Variants in NUGGC observed in about 807,000 individuals in gnomAD.
NUGGC encodes the protein nuclear GTPase SLIP-GC.
In NUGGC, 58 loss-of-function variants were observed where a neutral mutation model predicts 92.6. The ratio of observed to expected loss-of-function variants is 0.63; its 90% CI spans 0.51 to 0.78. The LOEUF is 0.78. NUGGC is among the 30% of genes least tolerant of loss of function. The pLI is 0.00. For missense variants in NUGGC, 925 were observed against 964.6 expected (o/e 0.96, Z 0.54); for synonymous variants, 376 against 366.4 (o/e 1.03, Z -0.30).
Position 28,033,674 on chromosome 8 carries a change from AAAACCTT to A in NUGGC, c.1628_1634del (p.Gln543LeufsTer5). The A allele has an allele frequency of 6.2e-7, 1 of 1,613,974 alleles. No homozygotes were observed. The highest frequency in any genetic ancestry group is 8.5e-7 in the Non-Finnish European group (1 of 1,179,858). The stretch of plus-strand genomic sequence containing the variant: ...GGCAAACAGCTTTCAGGGTCTGATG[AAAACCTT>A]GGTTTCCTTTACTCCTCTAGACAAT... On this transcript the variant is annotated frameshift_variant, in exon 14 of 19. Coordinates refer to ENST00000413272, the MANE Select transcript of NUGGC (RefSeq NM_001010906.2). LOFTEE classifies it high-confidence loss of function.
In NUGGC at chr8:28,067,512, A is replaced by T. The variant is rs776243495; in HGVS notation, c.711+2T>A. On this transcript the variant is annotated splice_donor_variant, in intron 6 of 18. Transcript: ENST00000413272. LOFTEE classifies it high-confidence loss of function. The stretch of plus-strand genomic sequence containing the variant: ...TCAAGGAAAAAACGAACTTGACGCT[A>T]CCTCTTCCGCCTTGAGGGTGATGAC... The T allele has an allele frequency of 6.3e-7, 1 of 1,596,076 alleles. No homozygotes were observed. The highest frequency in any genetic ancestry group is 1.1e-5 in the South Asian group (1 of 88,320).
intron 18 of NUGGC, among the ~76,000 whole-genome samples, chr8:28,023,949 G>A (rs752130006): frequency 1.3e-5 from 2 of 152,138 alleles, no homozygotes; most frequent in East Asian, 1.9e-4. Context: ...CCCAGAAACC[G>A]GATTAAACGT....
At position 28,072,705 on chromosome 8, in the gene NUGGC, G is replaced by A. The variant is rs560764880; in HGVS notation, c.43+1663C>T. On this transcript the variant is annotated intron_variant, in intron 2 of 18. Coordinates refer to ENST00000413272, the MANE Select transcript of NUGGC (RefSeq NM_001010906.2). ...CTAAAATGCAAAACTATCTGGAAAGGAGAAAGTATTCCATCTTGGATTTAT... is the reference window on the plus strand; with the variant it reads ...CTAAAATGCAAAACTATCTGGAAAGAAGAAAGTATTCCATCTTGGATTTAT... Among the ~76,000 whole-genome samples the A allele has an allele frequency of 2.0e-5, 3 of 152,196 alleles. No individual in the cohort carries two copies. In the South Asian group the frequency reaches 6.2e-4, roughly 32 times the overall value.
In NUGGC at chr8:28,038,461, T is replaced by C. The variant is rs560142736; in HGVS notation, c.1611+2590A>G. On this transcript the variant is annotated intron_variant, in intron 13 of 18. Transcript: ENST00000413272. ...TCAACTTATCTTTACGGCAACCCTA[T>C]AACATAGGTACCGTGGTCCTCAATT... 2.6e-5 allele frequency among the ~76,000 whole-genome samples: 4 copies of C among 152,300 alleles called. No individual in the cohort carries two copies. In the South Asian group the frequency reaches 6.2e-4, roughly 24 times the overall value.
chr8:28,041,308 A>C, intron 12 of NUGGC, 93 bp from the exon 13 acceptor site: 1 of 1,262,276 alleles, frequency 7.9e-7, no homozygotes, highest in Non-Finnish European at 1.1e-6. Context: ...TCACCAGCTC[A>C]AGATTCAGCT....
intron 10 of NUGGC, among the ~76,000 whole-genome samples, chr8:28,054,664 C>T (rs1400131558): frequency 1.3e-5 from 2 of 152,228 alleles, no homozygotes; most frequent in Admixed American, 6.5e-5. Context: ...TCGCCAAACA[C>T]AGCAGCCTGT....
At chr8:28,060,116 G>A (rs1810259346) in intron 8 of NUGGC, among the ~76,000 whole-genome samples, 1 of 152,172 alleles carries the variant, frequency 6.6e-6, no homozygotes. Flanking sequence ...GAGCAGGTGG[G>A]ATCATCACAT....
At chr8:28,046,263 T>C (rs1248854296) in intron 11 of NUGGC, among the ~76,000 whole-genome samples, 1 of 152,188 alleles carries the variant, frequency 6.6e-6, no homozygotes, top group Non-Finnish European at 1.5e-5. Flanking sequence ...TTTATACCCT[T>C]AATCAAGCAG....
chr8:28,030,341 A>G lies in NUGGC; in HGVS notation c.1986T>C (p.Ser662=). 1 of 1,577,090 alleles carries G rather than the reference A, an allele frequency of 6.3e-7. No homozygotes were observed. ...KRRIYESLTA[S]VQSDLKLCYE... ...AACAGAGCTTCAGGTCACTCTGGACAGAGGCAGTGAGGGACTCGTAGATCC... is the reference window on the plus strand; with the variant it reads ...AACAGAGCTTCAGGTCACTCTGGACGGAGGCAGTGAGGGACTCGTAGATCC... The change falls in exon 16 of 19, where the codon TCT becomes TCC. Residue 662 remains serine (S), a synonymous_variant. Coordinates refer to ENST00000413272, the MANE Select transcript of NUGGC (RefSeq NM_001010906.2).
chr8:28,046,460 G>A (rs764052639), intron 11 of NUGGC, among the ~76,000 whole-genome samples: 7 of 152,078 alleles, frequency 4.6e-5, no homozygotes, highest in Admixed American at 1.3e-4. Context: ...GGTTCCCCGG[G>A]CTTCTATTGC....
chr8:28,074,349 G>C lies in NUGGC; in HGVS notation c.43+19C>G. 6.4e-7 allele frequency: 1 copy of C among 1,574,372 alleles called. No homozygotes were observed. The highest frequency in any genetic ancestry group is 8.7e-7 in the Non-Finnish European group (1 of 1,144,198). ...TCAGTTCCTATATCCTCCATCAGAA[G>C]ATACTGCAAAGATGTTACCTGGATG... On this transcript the variant is annotated intron_variant, in intron 2 of 18. Coordinates refer to ENST00000413272, the MANE Select transcript of NUGGC (RefSeq NM_001010906.2).
intron 1 of NUGGC, among the ~76,000 whole-genome samples, chr8:28,076,114 G>A (rs899317011): frequency 2.6e-5 from 4 of 152,272 alleles, no homozygotes; most frequent in Non-Finnish European, 4.4e-5. Flanking sequence ...CTGTGCTTAC[G>A]TCTGTTCCTC....
chr8:28,042,912 G>C (rs1018198608), intron 12 of NUGGC, among the ~76,000 whole-genome samples: 1 of 152,194 alleles, frequency 6.6e-6, no homozygotes, highest in Non-Finnish European at 1.5e-5. Context: ...AGTGAATTGG[G>C]TTGAATGATC....
intron 10 of NUGGC, among the ~76,000 whole-genome samples, chr8:28,050,172 G>C (rs1411154216): frequency 6.6e-6 from 1 of 151,842 alleles, no homozygotes; most frequent in Non-Finnish European, 1.5e-5. Context: ...AATCACCGGA[G>C]GTCTGGAGTT....
At position 28,067,698 on chromosome 8, in the gene NUGGC, G is replaced by A. The variant is rs377466740; in HGVS notation, c.527C>T (p.Thr176Met). Reference sequence around the variant, plus strand: ...TGCCTCTTCTCTGCTCAGCTCCTCCGTCCTATGCAGGAGTTTGGTCAGGTT... The same window carrying A: ...TGCCTCTTCTCTGCTCAGCTCCTCCATCCTATGCAGGAGTTTGGTCAGGTT... ...LKNLTKLLHR[T>M]EELSREEADA... Residue 176 changes from threonine to methionine, a missense_variant, in exon 6 of 19, where the codon ACG becomes ATG. Thr to Met is a moderately conservative substitution (Grantham distance 81). Transcript: ENST00000413272. 9.9e-6 allele frequency: 16 copies of A among 1,613,734 alleles called. No homozygotes were observed. The highest frequency in any genetic ancestry group is 5.3e-5 in the African/African-American group (4 of 74,904).
At position 28,064,557 on chromosome 8, in the gene NUGGC, C is replaced by T. The variant is rs778149850; in HGVS notation, c.886G>A (p.Asp296Asn). 8 of 1,613,892 alleles carry T rather than the reference C, an allele frequency of 5.0e-6. No homozygotes were observed. The highest frequency in any genetic ancestry group is 4.0e-5 in the African/African-American group (3 of 74,938). Residue 296 changes from aspartate (D) to asparagine (N), a missense_variant, in exon 7 of 19, where the codon GAC (aspartate) becomes AAC (asparagine). By Grantham distance (23) the Asp-to-Asn change is conservative. Coordinates refer to ENST00000413272, the MANE Select transcript of NUGGC (RefSeq NM_001010906.2). ...VVLVDIPGTG[D>N]FNSKRDEMWK... Reference sequence around the variant, plus strand: ...ATCTCGTCCCTCTTGCTGTTGAAGTCGCCTGTGCCTGGGATGTCCACCAGC... The same window carrying T: ...ATCTCGTCCCTCTTGCTGTTGAAGTTGCCTGTGCCTGGGATGTCCACCAGC...
chr8:28,036,990 C>G (rs567259596), intron 13 of NUGGC, among the ~76,000 whole-genome samples: 3 of 152,306 alleles, frequency 2.0e-5, no homozygotes, highest in African/African-American at 7.2e-5. Flanking sequence ...GTGCTTGGCT[C>G]AGAACCACTA....
chr8:28,079,060 A>G (rs1810786862), intron 1 of NUGGC, among the ~76,000 whole-genome samples: 1 of 152,258 alleles, frequency 6.6e-6, no homozygotes, highest in African/African-American at 2.4e-5. Context: ...TCAGCTAGAT[A>G]TAGGAAGGCT....
At chr8:28,028,278 T>C (rs1809320005) in intron 17 of NUGGC, among the ~76,000 whole-genome samples, 1 of 152,206 alleles carries the variant, frequency 6.6e-6, no homozygotes, top group African/African-American at 2.4e-5. Flanking sequence ...TGTCCATGAA[T>C]TTTTAGACGG....
Sources: allele counts gnomAD v4.1 joint callset (sites outside exome capture counted in the v4.1 genomes callset), GRCh38; gene constraint gnomAD v4.1.1; transcripts MANE v1.5; gene names NCBI Gene and HGNC (gene_info 2026-07-23, HGNC 2026-07-21).